PPHLN1: variants seen among roughly 807,000 people sequenced by gnomAD.
The protein encoded by PPHLN1 is periphilin-1.
In PPHLN1, 29 loss-of-function variants were observed where a neutral mutation model predicts 51.3. The observed-to-expected ratio is 0.57, with a 90% confidence interval of 0.42 to 0.77. PPHLN1 has a LOEUF of 0.77. Ranked by LOEUF, PPHLN1 falls within the 30% of genes least tolerant of loss-of-function variation. The pLI is 0.00. For missense variants in PPHLN1, 436 were observed against 438.4 expected (o/e 0.99, Z 0.05); for synonymous variants, 147 against 147.8 (o/e 0.99, Z 0.04).
chr12:42,348,845 AAATTT>A (rs2072773090), intron 2 of PPHLN1, among the ~76,000 whole-genome samples: 1 of 152,008 alleles, frequency 6.6e-6, no homozygotes, highest in Non-Finnish European at 1.5e-5. Context: ...CTTAGTACTT[AAATTT>A]AATTGAAATC....
At chr12:42,365,271 A>C (rs1361726860) in intron 4 of PPHLN1, among the ~76,000 whole-genome samples, 1 of 152,228 alleles carries the variant, frequency 6.6e-6, no homozygotes, top group African/African-American at 2.4e-5. Flanking sequence ...AATTCTTGAA[A>C]TCGTAATTCT....
intron 9 of PPHLN1, among the ~76,000 whole-genome samples, chr12:42,403,170 T>TACA (rs2078990200): frequency 6.6e-6 from 1 of 152,212 alleles, no homozygotes; most frequent in Non-Finnish European, 1.5e-5. Flanking sequence ...ATTCTTTGTT[T>TACA]TTCCTTTTTA....
intron 9 of PPHLN1, among the ~76,000 whole-genome samples, chr12:42,428,378 G>A (rs1362513480): frequency 6.6e-6 from 1 of 152,174 alleles, no homozygotes; most frequent in Non-Finnish European, 1.5e-5. Context: ...ATCAGTCAAC[G>A]AGTGGATAAA....
At chr12:42,378,030 T>C (rs1483181514) in intron 5 of PPHLN1, among the ~76,000 whole-genome samples, 1 of 152,218 alleles carries the variant, frequency 6.6e-6, no homozygotes, top group African/African-American at 2.4e-5. Context: ...ATGGGGTAAA[T>C]TGAATGAAAC....
At chr12:42,392,977 TC>T (rs1483278024) in intron 7 of PPHLN1, among the ~76,000 whole-genome samples, 1 of 152,174 alleles carries the variant, frequency 6.6e-6, no homozygotes, top group East Asian at 1.9e-4. Context: ...ACCTAGCAAG[TC>T]ATTAAACTGC....
At chr12:42,346,585 C>T (rs762133818) in intron 2 of PPHLN1, among the ~76,000 whole-genome samples, 10 of 152,258 alleles carry the variant, frequency 6.6e-5, no homozygotes, top group Non-Finnish European at 8.8e-5. Context: ...GTGATTTCAT[C>T]GCCTTTGGGT....
At chr12:42,418,211 C>CTTTT (rs60029170) in intron 9 of PPHLN1, among the ~76,000 whole-genome samples, 2,546 of 98,268 alleles carry the variant, frequency 0.026, 142 homozygotes, top group Middle Eastern at 0.032. Flanking sequence ...TCCCGGCCCT[C>CTTTT]TTTTTTTTTT....
intron 7 of PPHLN1, among the ~76,000 whole-genome samples, chr12:42,388,003 A>G (rs985149164): frequency 1.1e-4 from 17 of 152,250 alleles, no homozygotes; most frequent in African/African-American, 3.1e-4. Flanking sequence ...CAGGGGCACA[A>G]TGCACTGCGG....
Position 42,441,719 on chromosome 12 carries a change from C to T in PPHLN1, c.*210C>T. 2 of 1,208,274 alleles carry T rather than the reference C, an allele frequency of 1.7e-6. No homozygotes were observed. The highest frequency in any genetic ancestry group is 3.3e-5 in the East Asian group (1 of 30,370). The allele number at this position is 1,208,274 out of a possible 1,614,324, so 74.8% of individuals were successfully genotyped here. On this transcript the variant is annotated 3_prime_UTR_variant, in exon 10 of 10. Coordinates refer to ENST00000358314, the MANE Select transcript of PPHLN1 (RefSeq NM_201439.2). ...TATTTTTTGTAGAGATGGGGTTCACCATGTTGGCCAGGCTAGTCTCTAACT... is the reference window on the plus strand; with the variant it reads ...TATTTTTTGTAGAGATGGGGTTCACTATGTTGGCCAGGCTAGTCTCTAACT...
chr12:42,347,403 G>C (rs2072514476), intron 2 of PPHLN1, among the ~76,000 whole-genome samples: 1 of 152,192 alleles, frequency 6.6e-6, no homozygotes, highest in Non-Finnish European at 1.5e-5. Flanking sequence ...TGTAAGATTT[G>C]CATAAGAATT....
At chr12:42,404,550 C>CAACAACAACAACAACAACAAA (rs1232357232) in intron 9 of PPHLN1, among the ~76,000 whole-genome samples, 3 of 151,988 alleles carry the variant, frequency 2.0e-5, no homozygotes, top group African/African-American at 4.8e-5. Context: ...ACAACAACAA[C>CAACAACAACAACAACAACAAA]AAAAATATTT....
Position 42,335,687 on chromosome 12 carries a change from G to GTTT in PPHLN1, c.-20-179_-20-177dup, listed in dbSNP as rs10648343. On this transcript the variant is annotated intron_variant, in intron 1 of 9. Transcript: ENST00000358314. The stretch of plus-strand genomic sequence containing the variant: ...TAAGAAGGAAGATAGGGCTTTCCGT[G>GTTT]TTTTTTTTTTTTTTTTTTTAAAGAA... Among the ~76,000 whole-genome samples, 717 of 113,672 alleles carry GTTT rather than the reference G, an allele frequency of 6.3e-3. 4 individuals carry two copies. The highest frequency in any genetic ancestry group is 8.3e-3 in the Non-Finnish European group (459 of 55,488). 74.6% of individuals were successfully genotyped at this position (113,672 alleles called of 152,430 possible).
chr12:42,409,310 G>C (rs761714016), intron 9 of PPHLN1, among the ~76,000 whole-genome samples: 2 of 152,106 alleles, frequency 1.3e-5, no homozygotes, highest in African/African-American at 2.4e-5. Flanking sequence ...AGAAGTCAAA[G>C]AAAAGGGCAG....
chr12:42,442,617 C>T (rs777143518), downstream of PPHLN1: 1 of 1,613,734 alleles, frequency 6.2e-7, no homozygotes, highest in Non-Finnish European at 8.5e-7. Flanking sequence ...TCTGAATACT[C>T]CTTTCATCCG....
At chr12:42,444,811 T>G, downstream of PPHLN1, 1 of 516,916 alleles carries the variant, frequency 1.9e-6, no homozygotes, top group Middle Eastern at 5.1e-4. Flanking sequence ...TCTGTAGTTA[T>G]TCCTACAAAG....
At chr12:42,446,323 G>C, downstream of PPHLN1, 1 of 1,544,866 alleles carries the variant, frequency 6.5e-7, no homozygotes, top group South Asian at 1.2e-5. Flanking sequence ...CACTTTGCCT[G>C]TTACCCGTAC....
intron 1 of PPHLN1, among the ~76,000 whole-genome samples, chr12:42,331,083 CT>C (rs534739307): frequency 4.1e-4 from 63 of 152,338 alleles, no homozygotes; most frequent in African/African-American, 1.4e-3. Context: ...ATCTCTCTTT[CT>C]TTTCCCCACA....
At chr12:42,426,290 C>T (rs2081492160) in intron 9 of PPHLN1, among the ~76,000 whole-genome samples, 1 of 151,486 alleles carries the variant, frequency 6.6e-6, no homozygotes, top group Non-Finnish European at 1.5e-5. Context: ...TTCCAGACCC[C>T]TCCAAACCAG....
downstream of PPHLN1, chr12:42,445,910 G>A (rs2083288226): frequency 5.5e-6 from 8 of 1,446,096 alleles, no homozygotes; most frequent in African/African-American, 1.4e-5. Context: ...AGTAATATAT[G>A]GCATGGTCCA....
Sources: gnomAD v4.1 joint callset for allele counts (sites outside exome capture counted in the v4.1 genomes callset) on GRCh38, gnomAD v4.1.1 for gene constraint, MANE v1.5 for transcripts, NCBI Gene and HGNC (gene_info 2026-07-23, HGNC 2026-07-21) for gene names.